ENKUR: variants seen among roughly 807,000 people sequenced by gnomAD.
ENKUR encodes the protein enkurin.
A neutral mutation model predicts 27.6 loss-of-function variants in ENKUR; 19 were observed. The observed-to-expected ratio is 0.69, with a 90% CI of 0.48 to 1.01. ENKUR has a LOEUF of 1.01. Ranked by LOEUF, ENKUR falls within the 50% of genes least tolerant of loss-of-function variation. The probability of loss-of-function intolerance (pLI) is 0.00; values close to 1 mark genes in which losing one functional copy is unlikely to be tolerated. For missense variants in ENKUR, 312 were observed against 310.5 expected (o/e 1.00, Z -0.04); for synonymous variants, 117 against 96.9 (o/e 1.21, Z -1.22).
intron 2 of ENKUR, among the ~76,000 whole-genome samples, chr10:25,043,685 C>T (rs1342160031): frequency 1.3e-5 from 2 of 151,930 alleles, no homozygotes; most frequent in African/African-American, 2.4e-5. Context: ...TTTTTCTTTT[C>T]GATTCTCTTC....
At chr10:25,025,496 CAAT>C (rs1461472235) in intron 2 of ENKUR, 2 of 1,536,326 alleles carry the variant, frequency 1.3e-6, no homozygotes, top group South Asian at 1.3e-5. Flanking sequence ...TATAAGCATG[CAAT>C]AATAAATCTC....
intron 2 of ENKUR, among the ~76,000 whole-genome samples, chr10:25,032,369 C>T (rs542737970): frequency 1.5e-4 from 23 of 152,050 alleles, no homozygotes; most frequent in Non-Finnish European, 2.8e-4. Context: ...AGTATGGAAC[C>T]TCTCACTGTT....
intron 2 of ENKUR, among the ~76,000 whole-genome samples, chr10:25,030,386 G>T (rs76021258): frequency 0.016 from 2,451 of 152,128 alleles, 38 homozygotes; most frequent in Middle Eastern, 0.062. Context: ...TTAATATTTT[G>T]CTGTATATAG....
chr10:24,991,035 G>T (rs572695123), intron 3 of ENKUR, among the ~76,000 whole-genome samples: 26 of 152,192 alleles, frequency 1.7e-4, no homozygotes, highest in Non-Finnish European at 3.2e-4. Flanking sequence ...GGGAGGCAGA[G>T]GTTACAGTGA....
At chr10:25,007,837 G>A (rs552076979) in intron 1 of ENKUR, among the ~76,000 whole-genome samples, 6 of 151,902 alleles carry the variant, frequency 3.9e-5, no homozygotes, top group South Asian at 4.2e-4. Context: ...TCCTGTATCT[G>A]GTTGTCTCTC....
At chr10:25,024,472 A>G in intron 2 of ENKUR, 1 of 1,614,246 alleles carries the variant, frequency 6.2e-7, no homozygotes, top group Non-Finnish European at 8.5e-7. Context: ...TGATTTTCAA[A>G]AAGCACAAAT....
intron 1 of ENKUR, among the ~76,000 whole-genome samples, chr10:25,012,471 T>G (rs1417124903): frequency 6.6e-6 from 1 of 152,176 alleles, no homozygotes; most frequent in African/African-American, 2.4e-5. Context: ...CTGTGCCAGG[T>G]CACAGGGACA....
At chr10:25,051,146 C>T (rs1851183187) in intron 2 of ENKUR, among the ~76,000 whole-genome samples, 1 of 152,180 alleles carries the variant, frequency 6.6e-6, no homozygotes, top group Non-Finnish European at 1.5e-5. Flanking sequence ...AATGCAGTTG[C>T]AAGTCTTGTC....
intron 2 of ENKUR, among the ~76,000 whole-genome samples, chr10:25,054,133 G>A (rs1457311392): frequency 1.3e-5 from 2 of 152,160 alleles, no homozygotes; most frequent in African/African-American, 4.8e-5. Flanking sequence ...TAAATTGAAT[G>A]GTGCTGGCCG....
At chr10:24,993,786 A>G (rs1370042239) in intron 3 of ENKUR, among the ~76,000 whole-genome samples, 1 of 152,172 alleles carries the variant, frequency 6.6e-6, no homozygotes, top group Non-Finnish European at 1.5e-5. Flanking sequence ...GGATACTCCA[A>G]ATTTCCTGTT....
intron 2 of ENKUR, chr10:25,025,251 G>T (rs1294682743): frequency 1.9e-6 from 3 of 1,614,050 alleles, no homozygotes; most frequent in African/African-American, 2.7e-5. Context: ...CTGCTATCAT[G>T]CAGGCTTTAA....
upstream of ENKUR, among the ~76,000 whole-genome samples, chr10:25,021,064 C>T (rs1850709146): frequency 6.6e-6 from 1 of 152,100 alleles, no homozygotes; most frequent in Admixed American, 6.5e-5. Context: ...GTTCTTGATT[C>T]GTGGGTGAAC....
intron 4 of ENKUR, among the ~76,000 whole-genome samples, chr10:24,986,320 T>C (rs1849777521): frequency 6.6e-6 from 1 of 152,186 alleles, no homozygotes; most frequent in African/African-American, 2.4e-5. Context: ...TAGAAGAGGT[T>C]GGTTGGGGAA....
intron 2 of ENKUR, among the ~76,000 whole-genome samples, chr10:25,050,938 C>A (rs1317099363): frequency 6.6e-6 from 1 of 152,192 alleles, no homozygotes; most frequent in African/African-American, 2.4e-5. Context: ...CACCTTTGTG[C>A]TGATGAAATG....
chr10:25,048,882 A>T (rs1241100240), intron 2 of ENKUR, among the ~76,000 whole-genome samples: 2 of 151,944 alleles, frequency 1.3e-5, no homozygotes, highest in East Asian at 3.9e-4. Flanking sequence ...TTGAAGATAG[A>T]TACAGATCAA....
At chr10:24,985,302 T>G (rs1160319083) in intron 4 of ENKUR, among the ~76,000 whole-genome samples, 1 of 152,218 alleles carries the variant, frequency 6.6e-6, no homozygotes, top group Non-Finnish European at 1.5e-5. Context: ...TTGTAAAATT[T>G]TATTTTTTAT....
chr10:25,010,412 CA>C (rs1850413693), intron 1 of ENKUR, among the ~76,000 whole-genome samples: 1 of 151,944 alleles, frequency 6.6e-6, no homozygotes, highest in African/African-American at 2.4e-5. Context: ...TATGTATTCA[CA>C]AAGATATGGT....
intron 1 of ENKUR, among the ~76,000 whole-genome samples, chr10:25,006,791 C>A (rs765974655): frequency 6.6e-6 from 1 of 152,144 alleles, no homozygotes; most frequent in Non-Finnish European, 1.5e-5. Flanking sequence ...AAGAACTGTG[C>A]AAACCAATTA....
chr10:25,059,219 G>C (rs1303444771), intron 2 of ENKUR, among the ~76,000 whole-genome samples: 2 of 144,444 alleles, frequency 1.4e-5, no homozygotes, highest in Non-Finnish European at 3.0e-5. Flanking sequence ...TGCAACCTCT[G>C]CCTCCCAGGT....
Sources: gnomAD v4.1 joint callset for allele counts (sites outside exome capture counted in the v4.1 genomes callset) on GRCh38, gnomAD v4.1.1 for gene constraint, MANE v1.5 for transcripts, NCBI Gene and HGNC (gene_info 2026-07-23, HGNC 2026-07-21) for gene names.